SPG11: variants seen among roughly 807,000 people sequenced by gnomAD.
SPG11 encodes the protein SPG11 vesicle trafficking associated, spatacsin, also known as spatacsin.
In SPG11, 222 loss-of-function variants were observed where a neutral mutation model predicts 274.0. That is an observed-to-expected ratio of 0.81 (90% CI 0.73 to 0.91). The LOEUF is 0.91. SPG11 is among the 40% of genes least tolerant of loss of function. SPG11 has a pLI of 0.00. For synonymous variants in SPG11, 1,144 were observed against 1,039.7 expected (o/e 1.10, Z -1.93); for missense variants, 3,114 against 2,872.7 (o/e 1.08, Z -1.92).
At chr15:44,660,697 T>G in intron 1 of SPG11, 81 bp from the exon 2 acceptor site, 1 of 1,338,896 alleles carries the variant, frequency 7.5e-7, no homozygotes, top group Non-Finnish European at 1.1e-6. Context: ...AAGGGTTGAA[T>G]AAGTAGAGAA....
chr15:44,649,895 A>C, intron 6 of SPG11, among the ~76,000 whole-genome samples: 1 of 141,198 alleles, frequency 7.1e-6, no homozygotes, highest in South Asian at 2.2e-4. Context: ...ACTCCATATC[A>C]AAAAAAAAAA....
intron 17 of SPG11, among the ~76,000 whole-genome samples, chr15:44,612,354 G>C (rs1485513273): frequency 1.3e-5 from 2 of 152,068 alleles, no homozygotes; most frequent in Non-Finnish European, 2.9e-5. Flanking sequence ...GTTACCTATG[G>C]GTGGTTATTT....
intron 15 of SPG11, among the ~76,000 whole-genome samples, chr15:44,617,385 T>G (rs1436204316): frequency 6.6e-6 from 1 of 152,238 alleles, no homozygotes; most frequent in Non-Finnish European, 1.5e-5. Flanking sequence ...CCAGAATTGA[T>G]GTAATGTACA....
At position 44,615,351 on chromosome 15, in the gene SPG11, C is replaced by G; in HGVS notation, c.3038+12G>C. Reference sequence around the variant, plus strand: ...AGACCTGCTCAAGGACAAATGCATTCTCAGTACTCACTTGTAACAGTCAAG... The same window carrying G: ...AGACCTGCTCAAGGACAAATGCATTGTCAGTACTCACTTGTAACAGTCAAG... On this transcript the variant is annotated intron_variant, in intron 16 of 39. Coordinates refer to ENST00000261866, the MANE Select transcript of SPG11 (RefSeq NM_025137.4). 6.2e-7 allele frequency: 1 copy of G among 1,612,418 alleles called. No individual in the cohort carries two copies. Among genetic ancestry groups the G allele is most frequent in the Non-Finnish European group, 8.5e-7 (1 of 1,179,352 alleles).
chr15:44,619,233 AC>A (rs1225360056), intron 15 of SPG11, among the ~76,000 whole-genome samples: 2 of 152,196 alleles, frequency 1.3e-5, no homozygotes, highest in Non-Finnish European at 2.9e-5. Flanking sequence ...CTGTAAGTAT[AC>A]CCCAATAAGT....
rs1210379988 is a variant in SPG11 at position 44,600,462 on chromosome 15, C to T, written c.3686+5G>A. The T allele has an allele frequency of 1.2e-6, 2 of 1,613,386 alleles. No individual in the cohort carries two copies. The highest frequency in any genetic ancestry group is 1.1e-5 in the South Asian group (1 of 91,070). ...CCCAGACAAAATTATATTTTAAATA[C>T]TCACAGCTGCTTGGGAGTCTTGCTC... On this transcript the variant is annotated splice_donor_5th_base_variant and intron_variant, in intron 21 of 39. Coordinates refer to ENST00000261866, the MANE Select transcript of SPG11 (RefSeq NM_025137.4).
At chr15:44,641,922 G>GAAAAAAAAAAAAAAAAAAAAAAAAAAA in intron 7 of SPG11, among the ~76,000 whole-genome samples, 1 of 55,906 alleles carries the variant, frequency 1.8e-5, no homozygotes, top group Non-Finnish European at 3.8e-5. Context: ...CTGCTTAACA[G>GAAAAAAAAAAAAAAAAAAAAAAAAAAA]AAAAAAAAAA....
At chr15:44,597,420 T>C (rs1391113462) in intron 23 of SPG11, among the ~76,000 whole-genome samples, 3 of 152,174 alleles carry the variant, frequency 2.0e-5, no homozygotes, top group South Asian at 2.1e-4. Context: ...CCAAAAACAG[T>C]AGACTTTTTC....
In SPG11 at chr15:44,657,106, A is replaced by G; in HGVS notation, c.858T>C (p.Asn286=). The stretch of plus-strand genomic sequence containing the variant: ...AGTCATCTACATACCTGAAATACAA[A>G]TTTAAGTTAAGAGCAACTGCGGAGT... ...SSNSAVALNL[N]LYFRQHPGHL... is the part of the protein sequence containing the mutation. The change falls in exon 4 of 40, where the codon AAT becomes AAC. Residue 286 remains asparagine, a synonymous_variant. Transcript: ENST00000261866. The G allele has an allele frequency of 6.2e-7, 1 of 1,614,016 alleles. No individual in the cohort carries two copies. The highest frequency in any genetic ancestry group is 8.5e-7 in the Non-Finnish European group (1 of 1,179,922).
intron 8 of SPG11, among the ~76,000 whole-genome samples, chr15:44,633,272 G>C (rs1203690854): frequency 7.8e-6 from 1 of 128,816 alleles, no homozygotes; most frequent in Non-Finnish European, 1.6e-5. Flanking sequence ...TGAGGCTGCA[G>C]TGAGCTGTCA....
Position 44,629,406 on chromosome 15 carries a change from A to C in SPG11, c.1736-18T>G, listed in dbSNP as rs771518380. On this transcript the variant is annotated intron_variant, in intron 8 of 39. Coordinates refer to ENST00000261866, the MANE Select transcript of SPG11 (RefSeq NM_025137.4). ...TTCCACATCTGAGAAAGAACCAAAGAAATTAACATAAAGAACACCAGGATA... is the reference window on the plus strand; with the variant it reads ...TTCCACATCTGAGAAAGAACCAAAGCAATTAACATAAAGAACACCAGGATA... The C allele has an allele frequency of 5.0e-6, 8 of 1,612,410 alleles. No individual in the cohort carries two copies. Among genetic ancestry groups the C allele is most frequent in the South Asian group, 1.1e-5 (1 of 91,038 alleles).
At chr15:44,609,193 G>A (rs971126730) in intron 18 of SPG11, among the ~76,000 whole-genome samples, 1 of 151,714 alleles carries the variant, frequency 6.6e-6, no homozygotes, top group Admixed American at 6.6e-5. Flanking sequence ...GTGCAATGGC[G>A]CGATCTCGGC....
rs183788618 is a variant in SPG11 at position 44,628,305 on chromosome 15, G to T, written c.2067+364C>A. Among the ~76,000 whole-genome samples, 7 of 152,306 alleles carry T rather than the reference G, an allele frequency of 4.6e-5. No homozygotes were observed. In the East Asian group the frequency reaches 9.6e-4, roughly 21 times the overall value. The stretch of plus-strand genomic sequence containing the variant: ...AAAATTTCCAAAGATCTAATCATCA[G>T]CAGCAATTCAATTTATCCAGTCAGG... On this transcript the variant is annotated intron_variant, in intron 10 of 39. Transcript: ENST00000261866.
chr15:44,621,900 T>G lies in SPG11; in HGVS notation c.2479A>C (p.Lys827Gln). The change falls in exon 14 of 40, where the codon AAG becomes CAG. Residue 827 changes from lysine (K) to glutamine (Q), a missense_variant. Transcript: ENST00000261866. ...TTCAGGAATGAGTCCAAAACAGACT[T>G]GTGCTTGAAAAAATCTTGTTCCTTT... Reference protein sequence around the residue: ...WIKEQDFFKHKSVLDSFLKYD... With the variant: ...WIKEQDFFKHQSVLDSFLKYD... The G allele has an allele frequency of 6.2e-7, 1 of 1,613,730 alleles. No homozygotes were observed. Among genetic ancestry groups the G allele is most frequent in the Non-Finnish European group, 8.5e-7 (1 of 1,179,886 alleles).
chr15:44,608,680 C>G, intron 18 of SPG11, 75 bp from the exon 19 acceptor site: 3 of 1,418,934 alleles, frequency 2.1e-6, no homozygotes, highest in Non-Finnish European at 2.9e-6. Flanking sequence ...TCACAAGAAC[C>G]TTGTGAAACA....
chr15:44,657,529 G>A (rs2084976918), intron 3 of SPG11, among the ~76,000 whole-genome samples: 3 of 152,104 alleles, frequency 2.0e-5, no homozygotes, highest in Admixed American at 2.0e-4. Flanking sequence ...ATCTGCTCTG[G>A]GCCAGGCCCA....
At chr15:44,590,243 G>C (rs2082871042) in intron 27 of SPG11, among the ~76,000 whole-genome samples, 1 of 152,260 alleles carries the variant, frequency 6.6e-6, no homozygotes, top group East Asian at 1.9e-4. Context: ...GTTTATTCTT[G>C]TTAGAGAACG....
chr15:44,599,946 A>G (rs2083141774), intron 21 of SPG11, among the ~76,000 whole-genome samples: 1 of 152,210 alleles, frequency 6.6e-6, no homozygotes, highest in Non-Finnish European at 1.5e-5. Context: ...GCACCTATCA[A>G]CCCGTCATCT....
intron 16 of SPG11, among the ~76,000 whole-genome samples, chr15:44,613,745 CAT>C (rs1191601000): frequency 6.6e-6 from 1 of 152,220 alleles, no homozygotes; most frequent in African/African-American, 2.4e-5. Flanking sequence ...TTAGAGACAT[CAT>C]ATGTTCACTA....
Sources: gnomAD v4.1 joint callset for allele counts (sites outside exome capture counted in the v4.1 genomes callset) on GRCh38, gnomAD v4.1.1 for gene constraint, MANE v1.5 for transcripts, NCBI Gene and HGNC (gene_info 2026-07-23, HGNC 2026-07-21) for gene names.